PGAP4: variants seen among roughly 807,000 people sequenced by gnomAD.
PGAP4 encodes the protein GPI-N-acetylgalactosamine transferase PGAP4.
A neutral mutation model predicts 28.2 loss-of-function variants in PGAP4; 12 were observed. The ratio of observed to expected loss-of-function variants is 0.42; its 90% confidence interval spans 0.27 to 0.69. PGAP4 has a LOEUF of 0.69. Ranked by LOEUF, PGAP4 falls within the 30% of genes least tolerant of loss-of-function variation. PGAP4 has a pLI of 0.22. For synonymous variants in PGAP4, 205 were observed against 211.8 expected (o/e 0.97, Z 0.28); for missense variants, 425 against 513.5 (o/e 0.83, Z 1.67).
intron 2 of PGAP4, among the ~76,000 whole-genome samples, chr9:101,524,930 C>T (rs1472028112): frequency 1.3e-5 from 2 of 152,144 alleles, no homozygotes; most frequent in Non-Finnish European, 2.9e-5. Flanking sequence ...ATTCATAATG[C>T]GAGCTCCCAC....
intron 2 of PGAP4, among the ~76,000 whole-genome samples, chr9:101,525,497 G>A (rs1361182328): frequency 5.3e-5 from 8 of 151,588 alleles, no homozygotes; most frequent in South Asian, 2.1e-4. Flanking sequence ...GCCTGATGTC[G>A]GGAGTTCGAG....
At chr9:101,515,720 T>C (rs889942099) in intron 2 of PGAP4, among the ~76,000 whole-genome samples, 3 of 152,188 alleles carry the variant, frequency 2.0e-5, no homozygotes, top group African/African-American at 7.2e-5. Flanking sequence ...ATTTATTTAG[T>C]ATATTATGAT....
chr9:101,494,421 A>C (rs1020775493), intron 2 of PGAP4, among the ~76,000 whole-genome samples: 2 of 151,944 alleles, frequency 1.3e-5, no homozygotes, highest in Non-Finnish European at 2.9e-5. Context: ...ATAGGTTATG[A>C]GAGAAAATTT....
intron 1 of PGAP4, 25 bp from the exon 2 acceptor site, chr9:101,477,194 G>A: frequency 5.6e-6 from 8 of 1,417,614 alleles, no homozygotes; most frequent in African/African-American, 3.0e-5. Flanking sequence ...AGTAGGGAAT[G>A]GTAAGAGTAA....
chr9:101,493,906 C>A (rs143775166), intron 2 of PGAP4, among the ~76,000 whole-genome samples: 1 of 151,454 alleles, frequency 6.6e-6, no homozygotes, highest in African/African-American at 2.4e-5. Flanking sequence ...GGATCTAGTT[C>A]GGTCTATAGG....
intron 1 of PGAP4, among the ~76,000 whole-genome samples, chr9:101,478,422 C>G (rs994103907): frequency 1.3e-5 from 2 of 152,188 alleles, no homozygotes; most frequent in Non-Finnish European, 2.9e-5. Context: ...TGGAGGAAAA[C>G]TGTATAGTTT....
intron 2 of PGAP4, among the ~76,000 whole-genome samples, chr9:101,529,415 A>G (rs1220866702): frequency 6.6e-6 from 1 of 152,174 alleles, no homozygotes; most frequent in Non-Finnish European, 1.5e-5. Context: ...TTGGCCTCCC[A>G]AAGTGCTGGG....
intron 1 of PGAP4, among the ~76,000 whole-genome samples, chr9:101,532,161 T>C (rs1827099816): frequency 6.6e-6 from 1 of 151,980 alleles, no homozygotes; most frequent in Non-Finnish European, 1.5e-5. Context: ...TCCCACCCAC[T>C]TGGGAGGCTG....
At chr9:101,512,232 G>A (rs1324716692) in intron 2 of PGAP4, among the ~76,000 whole-genome samples, 3 of 152,002 alleles carry the variant, frequency 2.0e-5, no homozygotes, top group Non-Finnish European at 2.9e-5. Flanking sequence ...TAATCAAACT[G>A]CAACTTTAAG....
At chr9:101,494,139 T>A (rs1826715762) in intron 2 of PGAP4, among the ~76,000 whole-genome samples, 1 of 152,060 alleles carries the variant, frequency 6.6e-6, no homozygotes, top group African/African-American at 2.4e-5. Flanking sequence ...AATTTTTATT[T>A]ACTCATTTTA....
chr9:101,528,069 G>C (rs1827050931), intron 2 of PGAP4, among the ~76,000 whole-genome samples: 1 of 152,088 alleles, frequency 6.6e-6, no homozygotes, highest in South Asian at 2.1e-4. Flanking sequence ...AATTACCCAG[G>C]GTCAGGAAAA....
At chr9:101,505,629 T>C (rs1017227834) in intron 2 of PGAP4, among the ~76,000 whole-genome samples, 8 of 152,112 alleles carry the variant, frequency 5.3e-5, no homozygotes, top group Non-Finnish European at 1.0e-4. Flanking sequence ...CAGGAGATAG[T>C]CCTCGAGTGA....
intron 2 of PGAP4, among the ~76,000 whole-genome samples, chr9:101,495,408 A>T (rs1784333159): frequency 7.4e-6 from 1 of 135,552 alleles, no homozygotes; most frequent in East Asian, 2.0e-4. Context: ...TTTTATATAT[A>T]ATATATATTA....
chr9:101,524,209 G>A lies in PGAP4; in HGVS notation c.-165+7139C>T, dbSNP rs181188800. On this transcript the variant is annotated intron_variant, in intron 2 of 3. Transcript: ENST00000374851. Reference sequence around the variant, plus strand: ...TAGATCAGTGGAGTTATGTACCTATGAGGATTATGGATGCCTCTGCTGAGT... The same window carrying A: ...TAGATCAGTGGAGTTATGTACCTATAAGGATTATGGATGCCTCTGCTGAGT... Among the ~76,000 whole-genome samples the A allele has an allele frequency of 7.9e-5, 12 of 150,962 alleles. No individual in the cohort carries two copies. In the East Asian group the frequency reaches 2.0e-3, roughly 25 times the overall value.
At chr9:101,507,936 C>A (rs1178889280) in intron 2 of PGAP4, among the ~76,000 whole-genome samples, 1 of 150,606 alleles carries the variant, frequency 6.6e-6, no homozygotes, top group Non-Finnish European at 1.5e-5. Flanking sequence ...GAGAGCAGAC[C>A]AATCTCTTAT....
At position 101,476,390 on chromosome 9, in the gene PGAP4, G is replaced by C; in HGVS notation, c.703C>G (p.Pro235Ala). Residue 235 changes from proline (P) to alanine (A), a missense_variant, in exon 2 of 2, where the codon CCA becomes GCA. Pro to Ala is a conservative substitution (Grantham distance 27). Transcript: ENST00000374848. This position sits in a 1 kb window ranked among gnomAD's most constrained non-coding sequence, Gnocchi z 7.0. ...AGATAAAGGGCATCTCTGAGATGTG[G>C]CTCAGAGAAGCGAGCCCGCAGAAGG... ...EHLLRARFSEPHLRDALYLKL... is the reference protein window; with the variant it reads ...EHLLRARFSEAHLRDALYLKL... 1.2e-6 allele frequency: 2 copies of C among 1,614,110 alleles called. No homozygotes were observed. Among genetic ancestry groups the C allele is most frequent in the Non-Finnish European group, 1.7e-6 (2 of 1,180,024 alleles).
chr9:101,492,041 T>A (rs944265630), upstream of PGAP4, among the ~76,000 whole-genome samples: 4 of 151,860 alleles, frequency 2.6e-5, no homozygotes, highest in Non-Finnish European at 4.4e-5. Context: ...TTCAGTTCTA[T>A]CAATTATAGG....
chr9:101,500,946 C>G (rs930002826), intron 2 of PGAP4, among the ~76,000 whole-genome samples: 1 of 152,030 alleles, frequency 6.6e-6, no homozygotes, highest in Non-Finnish European at 1.5e-5. Context: ...AAAGTGATTT[C>G]TGATTCCTTA....
rs1448174459 is a variant in PGAP4, at chr9:101,476,439, C to T, written c.654G>A (p.Glu218=). 1.2e-6 allele frequency: 2 copies of T among 1,614,120 alleles called. No individual in the cohort carries two copies. Among genetic ancestry groups the T allele is most frequent in the East Asian group, 2.2e-5 (1 of 44,856 alleles). ...GGTGCTCCAAGACTGGGAAGATCTGCTCTTCTGGTACAGCATCGTCTTCTA... is the reference window on the plus strand; with the variant it reads ...GGTGCTCCAAGACTGGGAAGATCTGTTCTTCTGGTACAGCATCGTCTTCTA... The part of the protein sequence containing the change: ...LMVEDDAVPE[E]QIFPVLEHLL... The change falls in exon 2 of 2, where the codon GAG becomes GAA. Residue 218 remains glutamate, a synonymous_variant. Transcript: ENST00000374848. This position sits in a 1 kb window ranked among gnomAD's most constrained non-coding sequence, Gnocchi z 7.0.
Sources: gnomAD v4.1 joint callset for allele counts (sites outside exome capture counted in the v4.1 genomes callset) on GRCh38, gnomAD v4.1.1 for gene constraint, Gnocchi (gnomAD v3.1) non-coding constraint, MANE v1.5 for transcripts, NCBI Gene and HGNC (gene_info 2026-07-23, HGNC 2026-07-21) for gene names.